Variants in CDC25C observed in about 807,000 individuals in gnomAD.
CDC25C encodes the protein cell division cycle 25C.
CDC25C carries 48 observed loss-of-function variants against 52.5 expected under a neutral mutation model. The observed-to-expected ratio is 0.91, with a 90% CI of 0.72 to 1.16. CDC25C has a LOEUF of 1.16. Ranked by LOEUF, CDC25C falls within the 50% of genes most tolerant of loss-of-function variation. CDC25C has a pLI of 0.00. For missense variants in CDC25C, 510 were observed against 566.1 expected (o/e 0.90, Z 1.01); for synonymous variants, 187 against 206.5 (o/e 0.91, Z 0.81).
In CDC25C at chr5:138,326,041, G is replaced by A; in HGVS notation, c.349C>T (p.His117Tyr). 6.2e-7 allele frequency: 1 copy of A among 1,614,222 alleles called. No homozygotes were observed. Among genetic ancestry groups the A allele is most frequent in the Non-Finnish European group, 8.5e-7 (1 of 1,180,030 alleles). ...VHLAGMNHDQ[H>Y]LMKCSPAQLL... ...CTCACTGGGCTACATTTCATTAGGT[G>A]CTGGTCATGATTCCTGCAGATTAAA... The change falls in exon 5 of 14, where the codon CAC becomes TAC. Residue 117 changes from histidine (H) to tyrosine (Y), a missense_variant. By Grantham distance (83) the His-to-Tyr change is moderately conservative. Transcript: ENST00000323760.
chr5:138,328,097 C>G (rs558895685), intron 4 of CDC25C, among the ~76,000 whole-genome samples: 66 of 152,314 alleles, frequency 4.3e-4, no homozygotes, highest in African/African-American at 1.5e-3. Flanking sequence ...GAACTGCTGA[C>G]CTCAACTGAT....
chr5:138,287,124 G>C, intron 11 of CDC25C, 45 bp downstream of exon 11: 1 of 1,322,444 alleles, frequency 7.6e-7, no homozygotes, highest in Non-Finnish European at 1.1e-6. Context: ...TCAATAAAGA[G>C]TTATCTCCAG....
chr5:138,337,663 T>G (rs929053698), intron 1 of CDC25C: 35 of 312,732 alleles, frequency 1.1e-4, no homozygotes, highest in South Asian at 8.8e-4. Context: ...CCGCAACCAT[T>G]ATAAGTCCTG....
In CDC25C at chr5:138,319,430, T is replaced by C. The variant is rs536582006; in HGVS notation, c.460-56A>G. 8 of 1,351,292 alleles carry C rather than the reference T, an allele frequency of 5.9e-6. No individual in the cohort carries two copies. The Admixed American group carries it at 7.0e-5, about 12-fold the overall frequency. The allele number at this position is 1,351,292 out of a possible 1,614,324, so 83.7% of individuals were successfully genotyped here. A position where few individuals can be genotyped will look rare whatever the true frequency, so the allele number is the denominator to read the frequency against. ...ATTCAAAATATATCAAAGTTCTAAATGTAAGAGCTAAAACTATAAAACTCT... is the reference window on the plus strand; with the variant it reads ...ATTCAAAATATATCAAAGTTCTAAACGTAAGAGCTAAAACTATAAAACTCT... On this transcript the variant is annotated intron_variant, in intron 6 of 13. Coordinates refer to ENST00000323760, the MANE Select transcript of CDC25C (RefSeq NM_001790.5).
intron 7 of CDC25C, among the ~76,000 whole-genome samples, chr5:138,295,197 A>G (rs1350195748): frequency 2.0e-5 from 3 of 152,166 alleles, no homozygotes; most frequent in South Asian, 2.1e-4. Context: ...CCTTGTTTCA[A>G]TGTTTTAGGT....
intron 9 of CDC25C, among the ~76,000 whole-genome samples, chr5:138,289,884 A>AT (rs1756567431): frequency 6.6e-6 from 1 of 151,978 alleles, no homozygotes; most frequent in African/African-American, 2.4e-5. Context: ...AAAAAAAAAA[A>AT]AAAGAAATAA....
upstream of CDC25C, chr5:138,335,467 C>G (rs1248243751): frequency 6.6e-6 from 1 of 152,200 alleles, no homozygotes; most frequent in East Asian, 1.9e-4. Flanking sequence ...CCCTGGAGCC[C>G]TCAGAATATG....
intron 13 of CDC25C, 40 bp downstream of exon 13, chr5:138,285,982 A>T: frequency 6.4e-7 from 1 of 1,555,998 alleles, no homozygotes. Context: ...CTGGGAGTTG[A>T]GTTGTTAAAG....
intron 7 of CDC25C, among the ~76,000 whole-genome samples, chr5:138,314,836 G>T (rs1039746311): frequency 6.7e-6 from 1 of 149,306 alleles, no homozygotes; most frequent in African/African-American, 2.5e-5. Context: ...GGCCAAGCTG[G>T]TCTCAAACTC....
chr5:138,327,613 G>A (rs1409039204), intron 4 of CDC25C, among the ~76,000 whole-genome samples: 2 of 152,086 alleles, frequency 1.3e-5, no homozygotes, highest in African/African-American at 4.8e-5. Flanking sequence ...CTCCATCCTT[G>A]GCAACAGAGC....
intron 6 of CDC25C, among the ~76,000 whole-genome samples, chr5:138,324,024 A>G (rs1205379346): frequency 6.6e-6 from 1 of 151,636 alleles, no homozygotes; most frequent in African/African-American, 2.4e-5. Context: ...TAATCCTAGC[A>G]TTTTGGGAGG....
exon 1 of CDC25C, chr5:138,338,170 G>A (rs1561737890): frequency 7.8e-7 from 1 of 1,289,620 alleles, no homozygotes. Flanking sequence ...GGCTTGGGGG[G>A]ATTCTGCGAG....
intron 7 of CDC25C, among the ~76,000 whole-genome samples, chr5:138,299,428 A>T (rs1230165485): frequency 1.3e-5 from 2 of 149,366 alleles, no homozygotes; most frequent in African/African-American, 4.9e-5. Flanking sequence ...CCCAGGGGGC[A>T]GAGGTTGCAG....
In CDC25C at chr5:138,326,018, C is replaced by T; in HGVS notation, c.369+3G>A. 6.2e-7 allele frequency: 1 copy of T among 1,614,198 alleles called. No homozygotes were observed. Among genetic ancestry groups the T allele is most frequent in the Non-Finnish European group, 8.5e-7 (1 of 1,180,020 alleles). ...AAAACCCAAAAAAAGAGAGGCTACT[C>T]ACTGGGCTACATTTCATTAGGTGCT... On this transcript the variant is annotated splice_donor_region_variant and intron_variant, in intron 5 of 13. Coordinates refer to ENST00000323760, the MANE Select transcript of CDC25C (RefSeq NM_001790.5).
intron 6 of CDC25C, among the ~76,000 whole-genome samples, chr5:138,321,822 AATAGC>A (rs1169851133): frequency 6.6e-6 from 1 of 151,016 alleles, no homozygotes; most frequent in Non-Finnish European, 1.5e-5. Context: ...AATATGTTAA[AATAGC>A]TTTCCCTCAG....
intron 7 of CDC25C, among the ~76,000 whole-genome samples, chr5:138,305,195 C>G (rs1162676400): frequency 6.6e-6 from 1 of 152,168 alleles, no homozygotes; most frequent in African/African-American, 2.4e-5. Flanking sequence ...CCGGGACTTT[C>G]CCAGCTTTAG....
chr5:138,328,706 G>A lies in CDC25C; in HGVS notation c.290-177C>T, dbSNP rs116197331. 94 of 554,742 alleles carry A rather than the reference G, an allele frequency of 1.7e-4. 1 individual carries two copies. Among genetic ancestry groups the A allele is most frequent in the African/African-American group, 1.5e-3 (82 of 52,990 alleles). 34.4% of individuals were successfully genotyped at this position (554,742 alleles called of 1,614,324 possible). A position where few individuals can be genotyped will look rare whatever the true frequency, so the allele number is the denominator to read the frequency against. Reference sequence around the variant, plus strand: ...GTACAAGGTACAATTTCACAGAAACGTAAGAATTTATATGTGTCACTAAAA... The same window carrying A: ...GTACAAGGTACAATTTCACAGAAACATAAGAATTTATATGTGTCACTAAAA... On this transcript the variant is annotated intron_variant, in intron 3 of 13. Coordinates refer to ENST00000323760, the MANE Select transcript of CDC25C (RefSeq NM_001790.5).
exon 1 of CDC25C, chr5:138,338,180 G>A: frequency 7.8e-7 from 1 of 1,289,112 alleles, no homozygotes; most frequent in Non-Finnish European, 1.0e-6. Flanking sequence ...GATTCTGCGA[G>A]CCGGAGCTGT....
chr5:138,315,289 T>A (rs1580778981), intron 7 of CDC25C, among the ~76,000 whole-genome samples: 1 of 152,260 alleles, frequency 6.6e-6, no homozygotes, highest in Admixed American at 6.5e-5. Context: ...TTATTGTTAA[T>A]CTCTTACTAT....
Sources: gnomAD v4.1 joint callset for allele counts (sites outside exome capture counted in the v4.1 genomes callset) on GRCh38, gnomAD v4.1.1 for gene constraint, MANE v1.5 for transcripts, NCBI Gene and HGNC (gene_info 2026-07-23, HGNC 2026-07-21) for gene names.